The following CTNND2 variants were observed in gnomAD, a reference collection of about 807,000 sequenced individuals.
The protein encoded by CTNND2 is catenin delta 2, also known as catenin delta-2.
A neutral mutation model predicts 144.4 loss-of-function variants in CTNND2; 22 were observed. The observed-to-expected ratio is 0.15, with a 90% CI of 0.11 to 0.22. The LOEUF (loss-of-function observed/expected upper bound fraction) is 0.22, where lower values mean the gene tolerates loss of function less well. CTNND2 is among the 10% of genes least tolerant of loss of function. The pLI, the probability that CTNND2 is intolerant of heterozygous loss-of-function variation, is 1.00. For synonymous variants in CTNND2, 751 were observed against 695.6 expected (o/e 1.08, Z -1.25); for missense variants, 1,353 against 1,618.8 (o/e 0.84, Z 2.82).
At position 11,667,889 on chromosome 5, in the gene CTNND2, T is replaced by C. The variant is rs147585373; in HGVS notation, c.174+64247A>G. Among the ~76,000 whole-genome samples the C allele has an allele frequency of 5.9e-3, 901 of 152,366 alleles. 7 individuals carry two copies. Among genetic ancestry groups the C allele is most frequent in the African/African-American group, 0.021 (866 of 41,594 alleles). ...GCCTAGGTTTTATTCTAGGTTTTTA[T>C]GGTTTTAGGTCTTACCTTTAAGGCT... On this transcript the variant is annotated intron_variant, in intron 2 of 21. Transcript: ENST00000304623.
At chr5:11,224,077 G>T (rs1395516628) in intron 10 of CTNND2, among the ~76,000 whole-genome samples, 1 of 152,098 alleles carries the variant, frequency 6.6e-6, no homozygotes, top group Admixed American at 6.5e-5. Flanking sequence ...CCTGTATTCT[G>T]AGTCCATGAT....
intron 1 of CTNND2, among the ~76,000 whole-genome samples, chr5:11,869,711 C>T (rs1326104035): frequency 2.0e-5 from 3 of 152,164 alleles, no homozygotes; most frequent in African/African-American, 7.2e-5. Flanking sequence ...TTAAAAACGG[C>T]TAAGGTGGTA....
intron 3 of CTNND2, among the ~76,000 whole-genome samples, chr5:11,471,420 T>A (rs893583817): frequency 6.6e-6 from 1 of 152,224 alleles, no homozygotes; most frequent in Non-Finnish European, 1.5e-5. Context: ...TCTTCGATTG[T>A]TTCTTTAACA....
intron 1 of CTNND2, among the ~76,000 whole-genome samples, chr5:11,819,258 AC>A (rs1371514654): frequency 6.6e-6 from 1 of 152,052 alleles, no homozygotes; most frequent in Non-Finnish European, 1.5e-5. Context: ...ACGTGGTGAA[AC>A]CCTGTTTCTA....
At chr5:11,134,207 G>A (rs1174968784) in intron 12 of CTNND2, among the ~76,000 whole-genome samples, 1 of 152,160 alleles carries the variant, frequency 6.6e-6, no homozygotes, top group Non-Finnish European at 1.5e-5. Flanking sequence ...AGGGAGCAAT[G>A]AGCCAAGGAA....
chr5:10,977,081 A>T (rs1736584791), intron 21 of CTNND2, among the ~76,000 whole-genome samples: 1 of 152,196 alleles, frequency 6.6e-6, no homozygotes, highest in African/African-American at 2.4e-5. Flanking sequence ...CAATTTGAGA[A>T]CCATTGGCAC....
At chr5:11,383,354 T>C (rs575312141) in intron 7 of CTNND2, among the ~76,000 whole-genome samples, 2 of 152,246 alleles carry the variant, frequency 1.3e-5, no homozygotes, top group East Asian at 3.9e-4. Context: ...AGCATTTACA[T>C]GAAGTTTCAG....
intron 2 of CTNND2, among the ~76,000 whole-genome samples, chr5:11,729,033 A>G (rs1325966270): frequency 6.6e-6 from 1 of 152,128 alleles, no homozygotes; most frequent in Non-Finnish European, 1.5e-5. Context: ...ATCCCCAAAA[A>G]GCTCATGGAA....
chr5:11,327,738 T>A (rs576883084), intron 9 of CTNND2, among the ~76,000 whole-genome samples: 1 of 152,174 alleles, frequency 6.6e-6, no homozygotes, highest in Admixed American at 6.5e-5. Flanking sequence ...TTTCTGATGA[T>A]AAAATTGGTG....
intron 9 of CTNND2, among the ~76,000 whole-genome samples, chr5:11,316,285 G>C (rs1751464541): frequency 6.6e-6 from 1 of 151,872 alleles, no homozygotes; most frequent in Admixed American, 6.6e-5. Flanking sequence ...GAGTGTAGTG[G>C]TGTGATCTTG....
At chr5:11,204,244 G>T (rs1314390082) in intron 10 of CTNND2, among the ~76,000 whole-genome samples, 1 of 152,174 alleles carries the variant, frequency 6.6e-6, no homozygotes, top group African/African-American at 2.4e-5. Context: ...TTTACAGTGA[G>T]GGCATTCTTG....
intron 3 of CTNND2, among the ~76,000 whole-genome samples, chr5:11,423,572 G>A (rs1414061873): frequency 6.6e-6 from 1 of 152,126 alleles, no homozygotes; most frequent in African/African-American, 2.4e-5. Context: ...AAATGGAGGG[G>A]GTCAAGCTTA....
At chr5:11,011,187 C>T (rs370022185) in intron 18 of CTNND2, among the ~76,000 whole-genome samples, 54 of 152,172 alleles carry the variant, frequency 3.5e-4, no homozygotes, top group Admixed American at 6.5e-4. Flanking sequence ...TTGATCCATA[C>T]GCTTAGGAAC....
intron 2 of CTNND2, among the ~76,000 whole-genome samples, chr5:11,641,395 C>T (rs1450055235): frequency 6.7e-6 from 1 of 149,284 alleles, no homozygotes; most frequent in Admixed American, 6.6e-5. Context: ...CTGGAAAAGA[C>T]ATTTAATCTC....
At chr5:11,156,976 C>T (rs957268201) in intron 12 of CTNND2, among the ~76,000 whole-genome samples, 1 of 152,154 alleles carries the variant, frequency 6.6e-6, no homozygotes, top group African/African-American at 2.4e-5. Flanking sequence ...TTGTTTTAAG[C>T]ACAGATCTGT....
At chr5:11,274,288 T>C (rs925515585) in intron 9 of CTNND2, among the ~76,000 whole-genome samples, 7 of 152,364 alleles carry the variant, frequency 4.6e-5, no homozygotes, top group Non-Finnish European at 8.8e-5. Flanking sequence ...TTAAAGACTT[T>C]GGGCTTAAGA....
At chr5:11,874,384 T>C (rs776029009) in intron 1 of CTNND2, among the ~76,000 whole-genome samples, 1 of 152,164 alleles carries the variant, frequency 6.6e-6, no homozygotes, top group Non-Finnish European at 1.5e-5. Flanking sequence ...CACATACCTA[T>C]GATAAAGTGA....
intron 1 of CTNND2, among the ~76,000 whole-genome samples, chr5:11,741,824 T>A (rs1473903346): frequency 1.3e-5 from 2 of 148,276 alleles, no homozygotes; most frequent in Admixed American, 6.8e-5. Context: ...TATATGTATA[T>A]ATAGTAGTAT....
At chr5:11,077,639 G>A (rs190178230) in intron 16 of CTNND2, among the ~76,000 whole-genome samples, 6 of 152,250 alleles carry the variant, frequency 3.9e-5, no homozygotes, top group Admixed American at 6.5e-5. Context: ...AAGGAGTGAC[G>A]TGCTCTGACT....
Sources: allele counts gnomAD v4.1 joint callset (sites outside exome capture counted in the v4.1 genomes callset), GRCh38; gene constraint gnomAD v4.1.1; transcripts MANE v1.5; gene names NCBI Gene and HGNC (gene_info 2026-07-23, HGNC 2026-07-21).